PPARG: variants seen among roughly 807,000 people sequenced by gnomAD.
PPARG encodes the protein peroxisome proliferator activated receptor gamma, also known as peroxisome proliferator-activated receptor gamma.
Under a neutral mutation model 39.2 loss-of-function variants are expected in PPARG, and 17 were observed. The ratio of observed to expected loss-of-function variants is 0.43; its 90% CI spans 0.30 to 0.65. The LOEUF is 0.65. Among genes scored for constraint, PPARG ranks in the 30% least tolerant of loss-of-function variants. The pLI is 0.13. For synonymous variants in PPARG, 223 were observed against 215.7 expected (o/e 1.03, Z -0.30); for missense variants, 406 against 585.9 (o/e 0.69, Z 3.17).
At chr3:12,288,307 G>C (rs2046560098), upstream of PPARG, among the ~76,000 whole-genome samples, 1 of 151,926 alleles carries the variant, frequency 6.6e-6, no homozygotes, top group South Asian at 2.1e-4. Context: ...CACCCGGGCT[G>C]AGGGTCGCGT....
intron 7 of PPARG, among the ~76,000 whole-genome samples, chr3:12,421,270 T>C (rs1050722304): frequency 2.6e-5 from 4 of 152,230 alleles, no homozygotes; most frequent in African/African-American, 4.8e-5. Flanking sequence ...GGCCCATACC[T>C]AGAAGCCAGG....
intron 7 of PPARG, among the ~76,000 whole-genome samples, chr3:12,431,714 A>C: frequency 6.6e-6 from 1 of 152,124 alleles, no homozygotes; most frequent in East Asian, 1.9e-4. Flanking sequence ...CTGAGGCAGG[A>C]GGATTGGTTG....
Position 12,357,615 on chromosome 3 carries a change from G to A in PPARG, c.-8-22089G>A, listed in dbSNP as rs111977157. ...CATGTAATTTATTGGTGGATTCTAT[G>A]TATTGCTTACTGTCTGCTTCACCTC... On this transcript the variant is annotated intron_variant, in intron 2 of 7. Transcript: ENST00000651735. Among the ~76,000 whole-genome samples the A allele has an allele frequency of 4.6e-5, 7 of 152,268 alleles. 1 individual carries two copies. Among genetic ancestry groups the A allele is most frequent in the South Asian group, 2.1e-4 (1 of 4,826 alleles).
intron 2 of PPARG, among the ~76,000 whole-genome samples, chr3:12,377,049 A>G (rs1240787274): frequency 2.6e-5 from 4 of 152,274 alleles, no homozygotes; most frequent in Middle Eastern, 3.4e-3. Flanking sequence ...GGTGTCAGGT[A>G]AACAGAGTCC....
At chr3:12,337,748 G>T (rs1216750302) in intron 2 of PPARG, among the ~76,000 whole-genome samples, 1 of 151,740 alleles carries the variant, frequency 6.6e-6, no homozygotes, top group Non-Finnish European at 1.5e-5. Context: ...ACCAACTATG[G>T]ATCAAAAGTA....
At chr3:12,372,116 G>A (rs372469885) in intron 2 of PPARG, 38 of 720,918 alleles carry the variant, frequency 5.3e-5, no homozygotes, top group Admixed American at 1.2e-4. Context: ...TTTCAGGCAC[G>A]TACTCTTGTT....
intron 2 of PPARG, among the ~76,000 whole-genome samples, chr3:12,356,810 A>G (rs1170027052): frequency 6.6e-6 from 1 of 152,122 alleles, no homozygotes; most frequent in Non-Finnish European, 1.5e-5. Context: ...TGTTCACACT[A>G]ATCTCTTTGT....
intron 5 of PPARG, among the ~76,000 whole-genome samples, chr3:12,397,600 C>T (rs969200454): frequency 3.3e-5 from 5 of 151,562 alleles, no homozygotes; most frequent in African/African-American, 1.2e-4. Flanking sequence ...TTAGTAGAGA[C>T]GGGGTTTCAC....
chr3:12,308,749 T>A (rs2047147096), intron 1 of PPARG, among the ~76,000 whole-genome samples: 1 of 152,126 alleles, frequency 6.6e-6, no homozygotes, highest in Admixed American at 6.5e-5. Context: ...TCAGGGCATT[T>A]TTCTCTGCAA....
chr3:12,403,884 A>G (rs1445307137), intron 5 of PPARG, among the ~76,000 whole-genome samples: 2 of 152,212 alleles, frequency 1.3e-5, no homozygotes, highest in East Asian at 3.8e-4. Flanking sequence ...CAGAAATTGT[A>G]CTAAGTGCTG....
chr3:12,305,121 C>T (rs932906207), intron 1 of PPARG, among the ~76,000 whole-genome samples: 1 of 151,886 alleles, frequency 6.6e-6, no homozygotes, highest in Non-Finnish European at 1.5e-5. Context: ...CCTGGTGTTC[C>T]CTATGTTTTC....
At chr3:12,429,800 A>G (rs2051593849) in intron 7 of PPARG, among the ~76,000 whole-genome samples, 1 of 152,190 alleles carries the variant, frequency 6.6e-6, no homozygotes, top group Non-Finnish European at 1.5e-5. Flanking sequence ...TCAATGAAGC[A>G]TCAGTGGCTT....
intron 2 of PPARG, among the ~76,000 whole-genome samples, chr3:12,374,261 G>A (rs1278167635): frequency 1.3e-5 from 2 of 152,086 alleles, no homozygotes; most frequent in East Asian, 1.9e-4. Flanking sequence ...AAACTATTCT[G>A]TGTGATCCTC....
chr3:12,312,700 G>A (rs1478255037), intron 2 of PPARG, among the ~76,000 whole-genome samples: 1 of 152,036 alleles, frequency 6.6e-6, no homozygotes, highest in Admixed American at 6.6e-5. Flanking sequence ...CCTTAAAAAT[G>A]AATCTCTAAT....
In PPARG at chr3:12,289,076, ACC is replaced by A. The variant is rs1207802148; in HGVS notation, c.-140_-139del. 1 of 152,114 alleles carries A rather than the reference ACC, an allele frequency of 6.6e-6. No individual in the cohort carries two copies. The highest frequency in any genetic ancestry group is 2.1e-4 in the South Asian group (1 of 4,830). 9.4% of individuals were successfully genotyped at this position (152,114 alleles called of 1,614,324 possible). A position where few individuals can be genotyped will look rare whatever the true frequency, so the allele number is the denominator to read the frequency against. On this transcript the variant is annotated 5_prime_UTR_variant, in exon 1 of 8. Transcript: ENST00000651735. The stretch of plus-strand genomic sequence containing the variant: ...AGTGGTAGGTAAGGAAGGGGCCTTA[ACC>A]TCTGCTGGTGACCAGAAGCCTGCAT...
At chr3:12,301,685 C>G (rs2046930033) in intron 1 of PPARG, 1 of 152,114 alleles carries the variant, frequency 6.6e-6, no homozygotes, top group South Asian at 2.1e-4. Flanking sequence ...CACTAAAGAT[C>G]AATGCAAGGA....
intron 2 of PPARG, among the ~76,000 whole-genome samples, chr3:12,313,315 T>C (rs2047301478): frequency 6.6e-6 from 1 of 152,158 alleles, no homozygotes; most frequent in Admixed American, 6.5e-5. Flanking sequence ...TCTGTCTGCT[T>C]CTAGAGGACC....
chr3:12,433,462 C>A (rs957667206), intron 7 of PPARG, among the ~76,000 whole-genome samples: 1 of 149,608 alleles, frequency 6.7e-6, no homozygotes, highest in Non-Finnish European at 1.5e-5. Flanking sequence ...AGCTTGATCC[C>A]GGGAGGCATA....
intron 2 of PPARG, among the ~76,000 whole-genome samples, chr3:12,331,221 G>A (rs2047849949): frequency 6.6e-6 from 1 of 152,210 alleles, no homozygotes; most frequent in Non-Finnish European, 1.5e-5. Context: ...CTGTAAGGGA[G>A]AGAAATGGCA....
Sources: gnomAD v4.1 joint callset for allele counts (sites outside exome capture counted in the v4.1 genomes callset) on GRCh38, gnomAD v4.1.1 for gene constraint, MANE v1.5 for transcripts, NCBI Gene and HGNC (gene_info 2026-07-23, HGNC 2026-07-21) for gene names.